SLC16A2: variants seen among roughly 807,000 people sequenced by gnomAD.
The protein encoded by SLC16A2 is solute carrier family 16 member 2, also known as monocarboxylate transporter 8.
A neutral mutation model predicts 27.2 loss-of-function variants in SLC16A2; 3 were observed. That is an observed-to-expected ratio of 0.11 (90% CI 0.05 to 0.28). The LOEUF is 0.28. Ranked by LOEUF, SLC16A2 falls within the 10% of genes least tolerant of loss-of-function variation. The pLI is 1.00. For missense variants in SLC16A2, 295 were observed against 458.5 expected, an observed-to-expected ratio of 0.64 and a Z score of 3.26; for synonymous variants, 202 against 187.8, an observed-to-expected ratio of 1.08 and a Z score of -0.62.
intron 1 of SLC16A2, among the ~76,000 whole-genome samples, chrX:74,431,935 G>C (rs1928541558): frequency 9.0e-6 from 1 of 111,399 alleles, no homozygotes; most frequent in Non-Finnish European, 1.9e-5. Context: ...GTGTTCTTCT[G>C]CAATTTGACC....
intron 1 of SLC16A2, among the ~76,000 whole-genome samples, chrX:74,474,363 T>A (rs1200661427): frequency 8.9e-6 from 1 of 111,868 alleles, no homozygotes; most frequent in African/African-American, 3.2e-5. Flanking sequence ...TATTTGAAGA[T>A]TGTTTATTGC....
At position 74,475,452 on chromosome X, in the gene SLC16A2, T is replaced by C. The variant is rs371927525; in HGVS notation, c.431-45538T>C. Among the ~76,000 whole-genome samples the C allele has an allele frequency of 2.9e-4, 31 of 107,975 alleles. 2 individuals are homozygous for C. In the South Asian group the frequency reaches 0.012, roughly 41 times the overall value. The allele number at this position is 107,975 out of a possible 115,157, so 93.8% of individuals were successfully genotyped here. A position where few individuals can be genotyped will look rare whatever the true frequency, so the allele number is the denominator to read the frequency against. On this transcript the variant is annotated intron_variant, in intron 1 of 5. Coordinates refer to ENST00000587091, the MANE Select transcript of SLC16A2 (RefSeq NM_006517.5). ...GGTTGCCTGTTCACTCTGATGGTAGTTTCTTTTGCTGTGCAGAAGCTCTTT... is the reference window on the plus strand; with the variant it reads ...GGTTGCCTGTTCACTCTGATGGTAGCTTCTTTTGCTGTGCAGAAGCTCTTT...
At chrX:74,443,390 C>T (rs964860455) in intron 1 of SLC16A2, among the ~76,000 whole-genome samples, 3 of 111,893 alleles carry the variant, frequency 2.7e-5, no homozygotes, top group Non-Finnish European at 5.7e-5. Context: ...AATCCTTCCC[C>T]ATGAACTCGA....
At chrX:74,436,626 C>T (rs1928636870) in intron 1 of SLC16A2, among the ~76,000 whole-genome samples, 1 of 112,032 alleles carries the variant, frequency 8.9e-6, no homozygotes, top group African/African-American at 3.2e-5. Flanking sequence ...AGAACAGTGC[C>T]TGGCATATGC....
chrX:74,473,064 T>C (rs973361207), intron 1 of SLC16A2: 7 of 526,434 alleles, frequency 1.3e-5, no homozygotes, highest in Non-Finnish European at 2.0e-5. Flanking sequence ...GGAACCATCA[T>C]AGCCACCTTG....
At chrX:74,491,601 A>G (rs1029838056) in intron 1 of SLC16A2, among the ~76,000 whole-genome samples, 1 of 112,109 alleles carries the variant, frequency 8.9e-6, no homozygotes, top group African/African-American at 3.2e-5. Context: ...GGCCTGAAAC[A>G]GTCTCTCAGA....
At chrX:74,474,929 G>A (rs776304009) in intron 1 of SLC16A2, among the ~76,000 whole-genome samples, 16 of 110,470 alleles carry the variant, frequency 1.4e-4, no homozygotes, top group African/African-American at 4.6e-4. Flanking sequence ...GAATAGTGCC[G>A]CAATAACCAT....
chrX:74,463,069 T>C (rs1929182291), intron 1 of SLC16A2, among the ~76,000 whole-genome samples: 3 of 111,296 alleles, frequency 2.7e-5, no homozygotes, highest in Admixed American at 1.9e-4. Flanking sequence ...AAAGAAGAGA[T>C]ATACACAACT....
Position 74,454,459 on chromosome X carries a change from C to G in SLC16A2, c.430+32392C>G, listed in dbSNP as rs1340762294. On this transcript the variant is annotated intron_variant, in intron 1 of 5. Transcript: ENST00000587091. Reference sequence around the variant, plus strand: ...GGATGAAGCTGGAAATCATCATTCTCAGCAAACTATCGCAAGGACAAAAAA... The same window carrying G: ...GGATGAAGCTGGAAATCATCATTCTGAGCAAACTATCGCAAGGACAAAAAA... 2.7e-5 allele frequency among the ~76,000 whole-genome samples: 3 copies of G among 109,415 alleles called. No individual in the cohort carries two copies. The East Asian group carries it at 8.6e-4, about 31-fold the overall frequency.
chrX:74,427,766 C>G (rs1306753638), intron 1 of SLC16A2, among the ~76,000 whole-genome samples: 1 of 109,493 alleles, frequency 9.1e-6, no homozygotes, highest in Non-Finnish European at 1.9e-5. Context: ...TTGTTCTACA[C>G]ATATACACAT....
chrX:74,447,454 C>A (rs1344815558), intron 1 of SLC16A2, among the ~76,000 whole-genome samples: 1 of 110,928 alleles, frequency 9.0e-6, no homozygotes, highest in Non-Finnish European at 1.9e-5. Context: ...GGGAGGATCA[C>A]TTGAGGCCAG....
In SLC16A2 at chrX:74,421,662, G is replaced by A. The variant is rs933036653; in HGVS notation, c.25G>A (p.Glu9Lys). 2 of 1,203,564 alleles carry A rather than the reference G, an allele frequency of 1.7e-6. No homozygotes were observed. The change falls in exon 1 of 6, where the codon GAG (glutamate) becomes AAG (lysine). Residue 9 changes from glutamate (E) to lysine (K), a missense_variant. This residue lies in a region of SLC16A2 where 92 missense variants were observed against 85.1 expected (regional missense o/e 1.08). Coordinates refer to ENST00000587091, the MANE Select transcript of SLC16A2 (RefSeq NM_006517.5). The part of the protein sequence containing the change: MALQSQAS[E>K]EAKGPWQEAD... The stretch of plus-strand genomic sequence containing the variant: ...GATGGCGCTGCAAAGCCAGGCGAGC[G>A]AGGAAGCAAAGGGGCCCTGGCAGGA...
At chrX:74,457,285 G>C (rs1453387080) in intron 1 of SLC16A2, among the ~76,000 whole-genome samples, 8 of 111,364 alleles carry the variant, frequency 7.2e-5, no homozygotes, top group Non-Finnish European at 3.8e-5. Context: ...ATTTTTAAAA[G>C]CTCTCTAGGT....
intron 1 of SLC16A2, among the ~76,000 whole-genome samples, chrX:74,478,258 T>A (rs1929530810): frequency 8.9e-6 from 1 of 111,826 alleles, no homozygotes; most frequent in Non-Finnish European, 1.9e-5. Context: ...TCTTTGTCTC[T>A]TTTGATCTTT....
intron 1 of SLC16A2, among the ~76,000 whole-genome samples, chrX:74,460,831 T>G (rs1297532384): frequency 9.0e-6 from 1 of 110,754 alleles, no homozygotes; most frequent in East Asian, 2.8e-4. Context: ...TTTTGTATTT[T>G]TAGTAGAAAT....
At chrX:74,485,046 G>T (rs981782462) in intron 1 of SLC16A2, among the ~76,000 whole-genome samples, 9 of 110,527 alleles carry the variant, frequency 8.1e-5, no homozygotes, top group Non-Finnish European at 1.7e-4. Flanking sequence ...GAGAAACCTC[G>T]TCTCTACTAA....
At position 74,434,171 on chromosome X, in the gene SLC16A2, A is replaced by G. The variant is rs1928580541; in HGVS notation, c.430+12104A>G. On this transcript the variant is annotated intron_variant, in intron 1 of 5. Coordinates refer to ENST00000587091, the MANE Select transcript of SLC16A2 (RefSeq NM_006517.5). ...AAAAGGGTCCCTCAAGAAGTGTATGATTCCCTTGAGAAGACATAACACACC... is the reference window on the plus strand; with the variant it reads ...AAAAGGGTCCCTCAAGAAGTGTATGGTTCCCTTGAGAAGACATAACACACC... Among the ~76,000 whole-genome samples the G allele has an allele frequency of 4.3e-5, 4 of 92,352 alleles. No homozygotes were observed. The South Asian group carries it at 2.0e-3, about 47-fold the overall frequency. The allele number at this position is 92,352 out of a possible 115,157, so 80.2% of individuals were successfully genotyped here. A position where few individuals can be genotyped will look rare whatever the true frequency, so the allele number is the denominator to read the frequency against.
intron 1 of SLC16A2, chrX:74,473,442 T>C (rs1929398389): frequency 5.6e-6 from 3 of 539,506 alleles, no homozygotes; most frequent in Non-Finnish European, 9.9e-6. Context: ...TCATTCACAC[T>C]ATGGTATTTC....
chrX:74,460,524 A>G (rs1011507771), intron 1 of SLC16A2, among the ~76,000 whole-genome samples: 2 of 111,709 alleles, frequency 1.8e-5, no homozygotes, highest in African/African-American at 6.5e-5. Context: ...ATCCCATTTT[A>G]TTGCCTACTT....
Sources: gnomAD v4.1 joint callset for allele counts (sites outside exome capture counted in the v4.1 genomes callset) on GRCh38, gnomAD v4.1.1 for gene constraint, gnomAD v4.1.1 regional missense constraint, MANE v1.5 for transcripts, NCBI Gene and HGNC (gene_info 2026-07-23, HGNC 2026-07-21) for gene names.